Variants in INSL6 observed in about 807,000 individuals in gnomAD.
The protein encoded by INSL6 is insulin-like peptide INSL6.
A neutral mutation model predicts 9.4 loss-of-function variants in INSL6; 16 were observed. The observed-to-expected ratio is 1.70, with a 90% CI of 1.15 to 2.59. The LOEUF is 2.59. INSL6 is among the 30% of genes most tolerant of loss of function. The probability of loss-of-function intolerance (pLI) is 0.00; values close to 1 mark genes in which losing one functional copy is unlikely to be tolerated. For missense variants in INSL6, 391 were observed against 257.3 expected (o/e 1.52, Z -3.56); for synonymous variants, 154 against 96.9 (o/e 1.59, Z -3.46).
downstream of INSL6, among the ~76,000 whole-genome samples, chr9:5,122,640 T>C (rs1178200259): frequency 6.6e-6 from 1 of 152,080 alleles, no homozygotes; most frequent in Non-Finnish European, 1.5e-5. Flanking sequence ...CATATATCCA[T>C]ATTCATGGTT....
At chr9:5,050,921 GA>G in the INSL6 span, 82 of 1,101,780 alleles carry the variant, frequency 7.4e-5, 2 homozygotes, top group South Asian at 7.6e-4. Flanking sequence ...CATGCCTTTT[GA>G]TTTTGTAATA....
At chr9:5,136,554 T>C (rs548551749) in intron 2 of INSL6, among the ~76,000 whole-genome samples, 1 of 152,310 alleles carries the variant, frequency 6.6e-6, no homozygotes, top group African/African-American at 2.4e-5. Flanking sequence ...GAAAAGGCCT[T>C]TGACAAAATT....
chr9:5,086,100 G>T, the INSL6 span: 1 of 534,310 alleles, frequency 1.9e-6, no homozygotes, highest in South Asian at 2.0e-5. Context: ...CTGCCTATGA[G>T]CCTGCGCGGG....
At chr9:5,107,110 G>A in the INSL6 span, among the ~76,000 whole-genome samples, 2 of 152,084 alleles carry the variant, frequency 1.3e-5, no homozygotes, top group Non-Finnish European at 2.9e-5. Flanking sequence ...CTTTGTAGAT[G>A]TAGTATGACT....
At chr9:5,044,961 T>G in the INSL6 span, among the ~76,000 whole-genome samples, 1 of 152,190 alleles carries the variant, frequency 6.6e-6, no homozygotes, top group South Asian at 2.1e-4. Context: ...TCTGATAGTT[T>G]GTTTAGCTGT....
chr9:5,041,224 C>G, the INSL6 span: 43 of 1,470,170 alleles, frequency 2.9e-5, no homozygotes, highest in Middle Eastern at 1.4e-3. Flanking sequence ...TGGTGGGGCG[C>G]CCGGGGACCA....
the INSL6 span, chr9:5,050,617 T>C: frequency 3.6e-5 from 52 of 1,442,348 alleles, no homozygotes; most frequent in Non-Finnish European, 2.4e-5. Context: ...ATGATTAAAA[T>C]ATAATCATAG....
the INSL6 span, chr9:5,111,122 C>A: frequency 6.7e-6 from 8 of 1,187,958 alleles, no homozygotes; most frequent in Admixed American, 1.0e-4. Flanking sequence ...TCCTTTGACC[C>A]CAGCTGGACG....
At chr9:5,026,578 A>G in the INSL6 span, among the ~76,000 whole-genome samples, 11 of 152,316 alleles carry the variant, frequency 7.2e-5, no homozygotes, top group African/African-American at 2.4e-4. Flanking sequence ...TTTTAAATAT[A>G]TAGGATTAAA....
chr9:5,039,338 T>C, the INSL6 span, among the ~76,000 whole-genome samples: 8 of 152,152 alleles, frequency 5.3e-5, no homozygotes, highest in Non-Finnish European at 1.0e-4. Context: ...TTGTCATTAC[T>C]CCCTAAAGAA....
the INSL6 span, chr9:5,021,867 A>G: frequency 1.5e-6 from 1 of 655,738 alleles, no homozygotes; most frequent in Non-Finnish European, 2.6e-6. Flanking sequence ...TTCTGGGCTC[A>G]AGCTATCTGC....
At chr9:5,028,078 C>T in the INSL6 span, among the ~76,000 whole-genome samples, 30 of 152,146 alleles carry the variant, frequency 2.0e-4, no homozygotes, top group Non-Finnish European at 3.8e-4. Flanking sequence ...TTTTTATTTA[C>T]TTTGCTTAGA....
chr9:5,069,075 A>C, the INSL6 span: 2 of 1,607,310 alleles, frequency 1.2e-6, no homozygotes, highest in South Asian at 2.2e-5. Context: ...ATGAGAATGA[A>C]GAGTACAACC....
rs762855006 is a variant in INSL6, at chr9:5,146,667, A to G, written c.377-13075T>C. Among the ~76,000 whole-genome samples the G allele has an allele frequency of 3.5e-4, 54 of 152,348 alleles. No individual in the cohort carries two copies. The Middle Eastern group carries it at 0.014, about 38-fold the overall frequency. On this transcript the variant is annotated intron_variant, in intron 2 of 3. Coordinates refer to the INSL6 transcript ENST00000649639. ...GGCTCCATCTGCAACGGCAGTCAAC[A>G]GGGGTTGAGAGGAATACTGTACTCC...
chr9:5,114,187 T>C, the INSL6 span: 2 of 454,354 alleles, frequency 4.4e-6, 1 homozygote. Flanking sequence ...CCGCAAGGGG[T>C]GAGCACCTAC....
chr9:5,025,763 T>G, the INSL6 span, among the ~76,000 whole-genome samples: 1 of 152,090 alleles, frequency 6.6e-6, no homozygotes, highest in Non-Finnish European at 1.5e-5. Context: ...AACTCCTGAC[T>G]TCAGGTGATC....
chr9:5,055,191 TA>T, the INSL6 span, among the ~76,000 whole-genome samples: 1 of 152,068 alleles, frequency 6.6e-6, no homozygotes, highest in Non-Finnish European at 1.5e-5. Flanking sequence ...ACAGAAGGCA[TA>T]ATTATAAAAC....
chr9:5,064,540 AG>A, the INSL6 span, among the ~76,000 whole-genome samples: 1 of 151,876 alleles, frequency 6.6e-6, no homozygotes, highest in Admixed American at 6.6e-5. Flanking sequence ...AAAAAAAAAA[AG>A]AAAAAAGGAA....
At chr9:5,183,374 G>A (rs1456743041) in intron 1 of INSL6, among the ~76,000 whole-genome samples, 2 of 152,064 alleles carry the variant, frequency 1.3e-5, no homozygotes, top group Admixed American at 6.5e-5. Context: ...CAGGTTTTGT[G>A]GGTATAACAA....
Sources: gnomAD v4.1 joint callset for allele counts (sites outside exome capture counted in the v4.1 genomes callset) on GRCh38, gnomAD v4.1.1 for gene constraint, MANE v1.5 for transcripts, NCBI Gene and HGNC (gene_info 2026-07-23, HGNC 2026-07-21) for gene names.